The following NOTUM variants were observed in gnomAD, a reference collection of about 807,000 sequenced individuals.
NOTUM encodes notum, palmitoleoyl-protein carboxylesterase.
In NOTUM, 36 loss-of-function variants were observed where a neutral mutation model predicts 65.5. That is an observed-to-expected ratio of 0.55 (90% confidence interval 0.42 to 0.73). NOTUM has a LOEUF of 0.73. NOTUM is among the 30% of genes least tolerant of loss of function. The probability of loss-of-function intolerance (pLI) is 0.00; values close to 1 mark genes in which losing one functional copy is unlikely to be tolerated. For missense variants in NOTUM, 659 were observed against 694.2 expected, an observed-to-expected ratio of 0.95 and a Z score of 0.57; for synonymous variants, 356 against 297.9, an observed-to-expected ratio of 1.20 and a Z score of -2.01.
intron 9 of NOTUM, among the ~76,000 whole-genome samples, chr17:81,954,721 G>A (rs2041415251): frequency 6.6e-6 from 1 of 152,184 alleles, no homozygotes; most frequent in Non-Finnish European, 1.5e-5. Context: ...GGGCTCAAGG[G>A]ATCCTCCTGC....
At chr17:81,959,092 C>T in intron 3 of NOTUM, 97 bp from the exon 4 acceptor site, 5 of 1,045,188 alleles carry the variant, frequency 4.8e-6, no homozygotes, top group Non-Finnish European at 5.9e-6. Flanking sequence ...CTACTTGGCC[C>T]CAGGAAGGGA....
Position 81,956,685 on chromosome 17 carries a change from C to T in NOTUM, c.953G>A (p.Cys318Tyr). The T allele has an allele frequency of 6.2e-7, 1 of 1,612,996 alleles. No homozygotes were observed. Among genetic ancestry groups the T allele is most frequent in the Middle Eastern group, 1.7e-4 (1 of 6,060 alleles). ...CGGGTAGACCTTGTAGCCAAAGAAG[C>T]AGTTCCACTCCTCGCCCTCCTGGAA... The part of the protein sequence containing the change: ...RQFQEGEEWN[C>Y]FFGYKVYPTL... Residue 318 changes from cysteine to tyrosine, a missense_variant, in exon 8 of 11, where the codon TGC (cysteine) becomes TAC (tyrosine). Physicochemically the swap from Cys to Tyr is radical, Grantham distance 194. Transcript: ENST00000409678.
chr17:81,955,937 G>A (rs2041430033), intron 8 of NOTUM, among the ~76,000 whole-genome samples: 2 of 146,620 alleles, frequency 1.4e-5, no homozygotes, highest in South Asian at 4.4e-4. Flanking sequence ...ACCCCAGGCA[G>A]AGCTCAGCAC....
Position 81,957,794 on chromosome 17 carries a change from C to T in NOTUM, c.695+12G>A, listed in dbSNP as rs758283933. ...TCACCCCTCACCTCCAGCCCTGCCC[C>T]GCCCTGCCCACCTGCTCCCGGCCAG... is the stretch of plus-strand genomic sequence containing the variant. On this transcript the variant is annotated intron_variant, in intron 6 of 10. Transcript: ENST00000409678. 2.6e-5 allele frequency: 41 copies of T among 1,581,396 alleles called. No individual in the cohort carries two copies. In the Admixed American group the frequency reaches 5.3e-4, roughly 20 times the overall value.
At chr17:81,958,497 G>A (rs566006716) in intron 4 of NOTUM, 104 bp from the exon 5 acceptor site, 1 of 774,982 alleles carries the variant, frequency 1.3e-6, no homozygotes, top group Admixed American at 1.9e-5. Flanking sequence ...CCCAGGACAG[G>A]ATTCCCCTGG....
intron 1 of NOTUM, 61 bp from the exon 2 acceptor site, chr17:81,959,753 C>T: frequency 9.4e-7 from 1 of 1,060,746 alleles, no homozygotes; most frequent in Non-Finnish European, 1.2e-6. Flanking sequence ...GCGCCCCGCG[C>T]GCCCAGCTCC....
chr17:81,954,158 C>G (rs2041410176), intron 10 of NOTUM, 98 bp downstream of exon 10: 1 of 830,632 alleles, frequency 1.2e-6, no homozygotes. Context: ...CTAGAAGCGC[C>G]AAGAAGAGGC....
chr17:81,952,621 T>G lies in NOTUM; in HGVS notation c.*340A>C. 3.5e-6 allele frequency: 1 copy of G among 281,804 alleles called. No individual in the cohort carries two copies. The highest frequency in any genetic ancestry group is 6.6e-6 in the Non-Finnish European group (1 of 150,502). 17.5% of individuals were successfully genotyped at this position (281,804 alleles called of 1,614,324 possible). A position where few individuals can be genotyped will look rare whatever the true frequency, so the allele number is the denominator to read the frequency against. ...AAATTAAAGTAATAAAAAAGTCACT[T>G]TATAAAATAATATAAAAGGGCTTGA... On this transcript the variant is annotated 3_prime_UTR_variant, in exon 11 of 11. Transcript: ENST00000409678.
rs2041462670 is a variant in NOTUM at position 81,960,060 on chromosome 17, G to T, written c.324-368C>A. 1.3e-5 allele frequency among the ~76,000 whole-genome samples: 2 copies of T among 152,064 alleles called. No individual in the cohort carries two copies. Among genetic ancestry groups the T allele is most frequent in the Admixed American group, 1.3e-4 (2 of 15,272 alleles). On this transcript the variant is annotated intron_variant, in intron 1 of 10. Transcript: ENST00000409678. The surrounding 1 kb of genome is among the most constrained non-coding windows in gnomAD (Gnocchi z 6.4). ...TGGCGGGGGAACGGGACGCCGCGGG[G>T]AGCGCGGGAGGCGCGGGCGGCACCG...
In NOTUM at chr17:81,957,916, A is replaced by T; in HGVS notation, c.593-8T>A. 1.9e-6 allele frequency: 3 copies of T among 1,586,298 alleles called. No homozygotes were observed. The highest frequency in any genetic ancestry group is 1.3e-5 in the African/African-American group (1 of 74,286). ...CCATGAAGGCGTACTCGTCTGCAAG[A>T]GGGAGGGGGTGGCCTCAGGTAGGGG... On this transcript the variant is annotated splice_polypyrimidine_tract_variant and splice_region_variant and intron_variant, in intron 5 of 10. Coordinates refer to ENST00000409678, the MANE Select transcript of NOTUM (RefSeq NM_178493.6).
chr17:81,960,493 C>A lies in NOTUM; in HGVS notation c.323+94G>T. 1.1e-6 allele frequency: 1 copy of A among 920,402 alleles called. No individual in the cohort carries two copies. The highest frequency in any genetic ancestry group is 1.5e-6 in the Non-Finnish European group (1 of 646,926). The allele number at this position is 920,402 out of a possible 1,614,324, so 57.0% of individuals were successfully genotyped here. A position where few individuals can be genotyped will look rare whatever the true frequency, so the allele number is the denominator to read the frequency against. On this transcript the variant is annotated intron_variant, in intron 1 of 10. Coordinates refer to ENST00000409678, the MANE Select transcript of NOTUM (RefSeq NM_178493.6). This position sits in a 1 kb window ranked among gnomAD's most constrained non-coding sequence, Gnocchi z 6.4. ...GGGGCGCCCGACGGAAGCCCTTTCT[C>A]CCCGGGGAGAGAACGGCCGCGGCCC...
In NOTUM at chr17:81,960,898, C is replaced by G. The variant is rs929370980; in HGVS notation, c.12G>C (p.Gly4=). MGR[G]VRVLLLLSLL... ...GGCTCAGCAGCAGCAGCACGCGCACCCCTCGGCCCATGGCCGCGTCCACCT... is the reference window on the plus strand; with the variant it reads ...GGCTCAGCAGCAGCAGCACGCGCACGCCTCGGCCCATGGCCGCGTCCACCT... Residue 4 remains glycine, a synonymous_variant, in exon 1 of 11, where the codon GGG becomes GGC. Coordinates refer to ENST00000409678, the MANE Select transcript of NOTUM (RefSeq NM_178493.6). This position sits in a 1 kb window ranked among gnomAD's most constrained non-coding sequence, Gnocchi z 6.4. 15 of 1,322,050 alleles carry G rather than the reference C, an allele frequency of 1.1e-5. No homozygotes were observed. Among genetic ancestry groups the G allele is most frequent in the Non-Finnish European group, 1.4e-5 (15 of 1,037,624 alleles). 81.9% of individuals were successfully genotyped at this position (1,322,050 alleles called of 1,614,324 possible).
chr17:81,957,987 A>T (rs34107062), intron 5 of NOTUM, 79 bp from the exon 6 acceptor site: 4 of 1,073,124 alleles, frequency 3.7e-6, no homozygotes, highest in Admixed American at 2.0e-5. Flanking sequence ...GCTGGCAGAG[A>T]AGTTCTTGCC....
chr17:81,953,772 C>CTTTTTTTT (rs35740276), intron 10 of NOTUM, among the ~76,000 whole-genome samples: 2 of 141,552 alleles, frequency 1.4e-5, no homozygotes, highest in African/African-American at 2.6e-5. Flanking sequence ...CAGCCTGAGT[C>CTTTTTTTT]TTTTTTTTTT....
Position 81,956,954 on chromosome 17 carries a change from CTTG to C in NOTUM, c.813_815del (p.Asn271del), listed in dbSNP as rs757067481. On this transcript the variant is annotated inframe_deletion, in exon 7 of 11. Transcript: ENST00000409678. The stretch of plus-strand genomic sequence containing the variant: ...CGACGCAGTCTGTGTGGCGATACTG[CTTG>C]TTGTCCAGGAACCAGCCGGAGTCAG... The C allele has an allele frequency of 9.3e-6, 15 of 1,613,448 alleles. No homozygotes were observed. The highest frequency in any genetic ancestry group is 1.3e-5 in the Non-Finnish European group (15 of 1,179,938).
Position 81,955,432 on chromosome 17 carries a change from G to A in NOTUM, c.1101C>T (p.Leu367=), listed in dbSNP as rs758175580. The A allele has an allele frequency of 1.0e-5, 16 of 1,598,196 alleles. No individual in the cohort carries two copies. The highest frequency in any genetic ancestry group is 2.3e-5 in the South Asian group (2 of 88,842). The part of the protein sequence containing the change: ...QEGLRLYIQN[L]GRELRHTLKD... ...TGAGTGTGTGGCGCAGCTCGCGGCC[G>A]AGGTTCTGGATGTACAGCCGCAGGC... The change falls in exon 9 of 11, where the codon CTC becomes CTT. Residue 367 remains leucine (L), a synonymous_variant. Transcript: ENST00000409678.
At chr17:81,959,609 C>T in intron 2 of NOTUM, 31 bp downstream of exon 2, 1 of 1,544,978 alleles carries the variant, frequency 6.5e-7, no homozygotes, top group Non-Finnish European at 8.7e-7. Context: ...CACAGACCCC[C>T]GGCCTCCCCC....
Position 81,956,752 on chromosome 17 carries a change from T to C in NOTUM, c.888-2A>G. 1.2e-6 allele frequency: 2 copies of C among 1,611,426 alleles called. No homozygotes were observed. The highest frequency in any genetic ancestry group is 1.7e-6 in the Non-Finnish European group (2 of 1,179,102). The stretch of plus-strand genomic sequence containing the variant: ...TCCGGGACCACCCCGTTCCAGTACC[T>C]GGAGCCACAGCCACAGGTTAGGCTG... On this transcript the variant is annotated splice_acceptor_variant, in intron 7 of 10. Coordinates refer to ENST00000409678, the MANE Select transcript of NOTUM (RefSeq NM_178493.6). LOFTEE classifies it high-confidence loss of function.
Position 81,958,225 on chromosome 17 carries a change from C to T in NOTUM, c.592+110G>A, listed in dbSNP as rs1204704956. 4 of 762,680 alleles carry T rather than the reference C, an allele frequency of 5.2e-6. No individual in the cohort carries two copies. The East Asian group carries it at 1.0e-4, about 19-fold the overall frequency. The allele number at this position is 762,680 out of a possible 1,614,324, so 47.2% of individuals were successfully genotyped here. On this transcript the variant is annotated intron_variant, in intron 5 of 10. Transcript: ENST00000409678. ...ACAAGGCTGAGAGTCAGCTTTTCCCCAGAACCCCTGCCGTCCCGCCTCATC... is the reference window on the plus strand; with the variant it reads ...ACAAGGCTGAGAGTCAGCTTTTCCCTAGAACCCCTGCCGTCCCGCCTCATC...
Sources: allele counts gnomAD v4.1 joint callset (sites outside exome capture counted in the v4.1 genomes callset), GRCh38; gene constraint gnomAD v4.1.1; non-coding constraint Gnocchi (gnomAD v3.1); transcripts MANE v1.5; gene names NCBI Gene and HGNC (gene_info 2026-07-23, HGNC 2026-07-21).